The following CDH22 variants were observed in gnomAD, a reference collection of about 807,000 sequenced individuals.
CDH22 encodes the protein cadherin 22, also known as cadherin-22.
In CDH22, 30 loss-of-function variants were observed where a neutral mutation model predicts 58.4. That is an observed-to-expected ratio of 0.51 (90% confidence interval 0.38 to 0.70). The LOEUF (loss-of-function observed/expected upper bound fraction) is 0.70. Among genes scored for constraint, CDH22 ranks in the 30% least tolerant of loss-of-function variants. The pLI is 0.00. For missense variants in CDH22, 1,014 were observed against 1,233.9 expected, an observed-to-expected ratio of 0.82 and a Z score of 2.67; for synonymous variants, 513 against 558.2, an observed-to-expected ratio of 0.92 and a Z score of 1.14.
intron 3 of CDH22, among the ~76,000 whole-genome samples, chr20:46,232,135 T>C (rs962099665): frequency 1.3e-5 from 2 of 152,188 alleles, no homozygotes; most frequent in African/African-American, 2.4e-5. Flanking sequence ...AATTGGAATA[T>C]GTGTCCTGGA....
intron 4 of CDH22, among the ~76,000 whole-genome samples, chr20:46,225,240 AC>A (rs2086162776): frequency 6.6e-6 from 1 of 152,222 alleles, no homozygotes; most frequent in African/African-American, 2.4e-5. Flanking sequence ...ATATACTCAC[AC>A]AAGCACAAAA....
At chr20:46,235,150 A>C (rs935819809) in intron 3 of CDH22, among the ~76,000 whole-genome samples, 11 of 152,260 alleles carry the variant, frequency 7.2e-5, no homozygotes, top group African/African-American at 2.7e-4. Context: ...TAATAAATGC[A>C]CATTGAATTG....
chr20:46,212,037 T>C (rs1460073819), intron 6 of CDH22, among the ~76,000 whole-genome samples: 1 of 152,200 alleles, frequency 6.6e-6, no homozygotes, highest in African/African-American at 2.4e-5. Context: ...GCTATTATAT[T>C]ATTATCCTCT....
Position 46,174,827 on chromosome 20 carries a change from CG to C in CDH22, c.2165del (p.Pro722ArgfsTer182). On this transcript the variant is annotated frameshift_variant, in exon 12 of 12. Transcript: ENST00000537909. LOFTEE classifies it low-confidence loss of function (END_TRUNC). The surrounding 1 kb of genome is among the most constrained non-coding windows in gnomAD (Gnocchi z 4.4). ...GGCGCTCGGAGGGCAGGTGGGCCTG[CG>C]GGGGGCTGCCCGCGCCCCCGCCCGA... is the stretch of plus-strand genomic sequence containing the variant. ...GGSGGGAGSP[P>X]QAHLPSERHS... The C allele has an allele frequency of 7.0e-7, 1 of 1,429,968 alleles. No homozygotes were observed. Among genetic ancestry groups the C allele is most frequent in the Non-Finnish European group, 9.1e-7 (1 of 1,093,248 alleles). The allele number at this position is 1,429,968 out of a possible 1,614,324, so 88.6% of individuals were successfully genotyped here.
At chr20:46,244,203 G>A (rs991236894) in intron 2 of CDH22, among the ~76,000 whole-genome samples, 5 of 152,168 alleles carry the variant, frequency 3.3e-5, no homozygotes, top group African/African-American at 9.7e-5. Flanking sequence ...GCTCACTTAC[G>A]AGTGAGGAAT....
chr20:46,289,199 A>C (rs1180088311), intron 1 of CDH22, among the ~76,000 whole-genome samples: 2 of 151,148 alleles, frequency 1.3e-5, no homozygotes, highest in Admixed American at 6.6e-5. Context: ...TGCCTGGCTC[A>C]CTCTCTCCCT....
intron 1 of CDH22, among the ~76,000 whole-genome samples, chr20:46,280,571 A>G (rs2086546163): frequency 6.6e-6 from 1 of 152,166 alleles, no homozygotes. Context: ...AACCGGCCCT[A>G]AAGACCTCAG....
At chr20:46,261,933 C>T (rs1184054985) in intron 1 of CDH22, among the ~76,000 whole-genome samples, 2 of 152,062 alleles carry the variant, frequency 1.3e-5, no homozygotes, top group African/African-American at 2.4e-5. Flanking sequence ...CCAGTTACTG[C>T]CTTAGCGTGC....
intron 1 of CDH22, among the ~76,000 whole-genome samples, chr20:46,252,045 T>C (rs1026407669): frequency 1.4e-4 from 21 of 151,942 alleles, no homozygotes; most frequent in African/African-American, 5.1e-4. Flanking sequence ...TCTCCAGCCC[T>C]GCCCAGCCCC....
In CDH22 at chr20:46,174,783, G is replaced by T. The variant is rs1242439007; in HGVS notation, c.2210C>A (p.Pro737Gln). 1.3e-6 allele frequency: 2 copies of T among 1,509,302 alleles called. No homozygotes were observed. The highest frequency in any genetic ancestry group is 2.1e-5 in the Admixed American group (1 of 48,152). 93.5% of individuals were successfully genotyped at this position (1,509,302 alleles called of 1,614,324 possible). A position where few individuals can be genotyped will look rare whatever the true frequency, so the allele number is the denominator to read the frequency against. The change falls in exon 12 of 12, where the codon CCG (proline) becomes CAG (glutamine). Residue 737 changes from proline to glutamine, a missense_variant. This residue lies in a region of CDH22 where 208 missense variants were observed against 195.2 expected (regional missense o/e 1.07). Transcript: ENST00000537909. The surrounding 1 kb of genome is among the most constrained non-coding windows in gnomAD (Gnocchi z 4.4). ...TGAGAAGTCTGGCTCGGGGCTCGGC[G>T]GCCCCTGCGGCAGCGAGTGGCGCTC... ...PSERHSLPQGPPSPEPDFSVF... is the reference protein window; with the variant it reads ...PSERHSLPQGQPSPEPDFSVF...
At chr20:46,275,002 CT>C (rs1210461742) in intron 1 of CDH22, among the ~76,000 whole-genome samples, 1 of 152,194 alleles carries the variant, frequency 6.6e-6, no homozygotes, top group African/African-American at 2.4e-5. Context: ...AAGGAATGTT[CT>C]GCAACTGCGT....
intron 10 of CDH22, among the ~76,000 whole-genome samples, chr20:46,183,616 G>C (rs571037556): frequency 6.6e-6 from 1 of 152,042 alleles, no homozygotes. Context: ...TATTTTTAAA[G>C]AGATGGGTTT....
At chr20:46,260,332 A>G (rs76605333) in intron 1 of CDH22, among the ~76,000 whole-genome samples, 1,840 of 152,286 alleles carry the variant, frequency 0.012, 34 homozygotes, top group African/African-American at 0.042. Context: ...TTGTGGAACT[A>G]CTGAATTAAG....
At chr20:46,283,634 A>T (rs1416294185) in intron 1 of CDH22, among the ~76,000 whole-genome samples, 3 of 152,110 alleles carry the variant, frequency 2.0e-5, no homozygotes, top group Non-Finnish European at 4.4e-5. Context: ...AGCTTGGCAG[A>T]CCATGTGTGT....
intron 4 of CDH22, among the ~76,000 whole-genome samples, chr20:46,222,619 C>T (rs951101856): frequency 3.9e-5 from 6 of 152,224 alleles, no homozygotes; most frequent in Non-Finnish European, 4.4e-5. Context: ...GCTCCCGCAG[C>T]CTTGTCTTCA....
chr20:46,194,488 G>A (rs1270135050), intron 8 of CDH22, among the ~76,000 whole-genome samples: 1 of 152,196 alleles, frequency 6.6e-6, no homozygotes, highest in Non-Finnish European at 1.5e-5. Flanking sequence ...TGTCTCCCCA[G>A]GTTGGGTATG....
rs33937889 is a variant in CDH22, at chr20:46,178,586, C to CTTTTTTTTTTTTT, written c.1664-402_1664-390dup. ...GCCAAGGTCCTGTCCCTGGCGTTGT[C>CTTTTTTTTTTTTT]TTTTTTTTTTTTTTTTTTTTTGCCA... On this transcript the variant is annotated intron_variant, in intron 10 of 11. Coordinates refer to ENST00000537909, the MANE Select transcript of CDH22 (RefSeq NM_021248.3). Among the ~76,000 whole-genome samples the CTTTTTTTTTTTTT allele has an allele frequency of 2.0e-4, 19 of 95,340 alleles. 1 individual carries two copies. Among genetic ancestry groups the CTTTTTTTTTTTTT allele is most frequent in the Non-Finnish European group, 2.6e-4 (13 of 49,390 alleles). 62.5% of individuals were successfully genotyped at this position (95,340 alleles called of 152,430 possible).
chr20:46,220,518 G>A (rs1416810917), intron 4 of CDH22: 1 of 152,736 alleles, frequency 6.5e-6, no homozygotes, highest in Non-Finnish European at 1.5e-5. Flanking sequence ...TGTGTGCTAA[G>A]CTTTGTGCTG....
intron 7 of CDH22, among the ~76,000 whole-genome samples, chr20:46,202,784 A>C (rs1419068839): frequency 6.6e-6 from 1 of 152,190 alleles, no homozygotes; most frequent in Non-Finnish European, 1.5e-5. Flanking sequence ...AGGAGGTTGA[A>C]GGAGGCTCTT....
Sources: allele counts gnomAD v4.1 joint callset (sites outside exome capture counted in the v4.1 genomes callset), GRCh38; gene constraint gnomAD v4.1.1; regional missense constraint gnomAD v4.1.1; non-coding constraint Gnocchi (gnomAD v3.1); transcripts MANE v1.5; gene names NCBI Gene and HGNC (gene_info 2026-07-23, HGNC 2026-07-21).